VRK2: variants seen among roughly 807,000 people sequenced by gnomAD.
The protein encoded by VRK2 is serine/threonine-protein kinase VRK2.
A neutral mutation model predicts 57.6 loss-of-function variants in VRK2; 60 were observed. The ratio of observed to expected loss-of-function variants is 1.04; its 90% CI spans 0.85 to 1.29. The LOEUF is 1.29. VRK2 is among the 50% of genes most tolerant of loss of function. The pLI is 0.00. For missense variants in VRK2, 705 were observed against 588.1 expected (o/e 1.20, Z -2.06); for synonymous variants, 231 against 199.2 (o/e 1.16, Z -1.35).
chr2:58,037,591 T>C (rs538224626), intron 3 of VRK2, among the ~76,000 whole-genome samples: 15 of 152,202 alleles, frequency 9.9e-5, no homozygotes, highest in Non-Finnish European at 1.5e-4. Context: ...TTTTAAAAGA[T>C]GTGGGCCAAT....
At chr2:58,034,980 T>G (rs578079338) in intron 3 of VRK2, among the ~76,000 whole-genome samples, 77 of 152,138 alleles carry the variant, frequency 5.1e-4, no homozygotes, top group African/African-American at 1.8e-3. Flanking sequence ...CCTGATGACA[T>G]GATGCCTGAG....
At chr2:58,103,373 A>G (rs1674293927) in intron 7 of VRK2, among the ~76,000 whole-genome samples, 2 of 151,668 alleles carry the variant, frequency 1.3e-5, no homozygotes, top group South Asian at 4.1e-4. Context: ...AAGAATAGAG[A>G]AGTTCCAAAT....
intron 1 of VRK2, among the ~76,000 whole-genome samples, chr2:57,988,769 T>C (rs1484572257): frequency 6.6e-6 from 1 of 152,168 alleles, no homozygotes; most frequent in Admixed American, 6.5e-5. Context: ...TTGAACTGAA[T>C]TACCCCACCA....
At chr2:58,052,376 G>A (rs1675877126) in intron 2 of VRK2, among the ~76,000 whole-genome samples, 1 of 152,032 alleles carries the variant, frequency 6.6e-6, no homozygotes, top group African/African-American at 2.4e-5. Flanking sequence ...ACTTTGGAAG[G>A]CCCAGGCGGG....
intron 1 of VRK2, among the ~76,000 whole-genome samples, chr2:58,002,218 C>T (rs555406206): frequency 6.6e-6 from 1 of 152,284 alleles, no homozygotes; most frequent in South Asian, 2.1e-4. Flanking sequence ...TGGTGGTTCA[C>T]GCCTGTAATC....
At chr2:57,958,679 C>A (rs111560809) in intron 1 of VRK2, among the ~76,000 whole-genome samples, 21 of 152,032 alleles carry the variant, frequency 1.4e-4, no homozygotes, top group African/African-American at 5.1e-4. Flanking sequence ...TTTTTAAGGG[C>A]TACTTATTGA....
chr2:57,957,962 T>A (rs1170064037), intron 1 of VRK2, among the ~76,000 whole-genome samples: 1 of 152,112 alleles, frequency 6.6e-6, no homozygotes, highest in Non-Finnish European at 1.5e-5. Flanking sequence ...GCAGTTATTC[T>A]CTCATATAGC....
At chr2:57,973,863 T>A (rs1048829890) in intron 1 of VRK2, among the ~76,000 whole-genome samples, 6 of 151,536 alleles carry the variant, frequency 4.0e-5, no homozygotes, top group Admixed American at 1.3e-4. Flanking sequence ...GAAAAAAAAA[T>A]TAGTTGAAAA....
At chr2:58,156,998 C>G (rs186188866) in intron 12 of VRK2, among the ~76,000 whole-genome samples, 1 of 152,256 alleles carries the variant, frequency 6.6e-6, no homozygotes, top group Admixed American at 6.5e-5. Context: ...TTCTGGCAGA[C>G]AGTTAACTTA....
intron 2 of VRK2, among the ~76,000 whole-genome samples, chr2:58,029,506 A>T (rs1674047622): frequency 6.6e-6 from 1 of 152,174 alleles, no homozygotes; most frequent in South Asian, 2.1e-4. Context: ...GAAAAAGTTA[A>T]AAGTACTCCT....
intron 8 of VRK2, among the ~76,000 whole-genome samples, chr2:58,127,170 G>A (rs1036954202): frequency 2.6e-5 from 4 of 151,538 alleles, no homozygotes; most frequent in Non-Finnish European, 5.9e-5. Context: ...CAATTGCTAC[G>A]GTATGTGAAA....
rs367924906 is a variant in VRK2 at position 57,956,721 on chromosome 2, G to A, written c.-439+48882G>A. Among the ~76,000 whole-genome samples the A allele has an allele frequency of 3.4e-4, 52 of 152,248 alleles. 1 individual carries two copies. In the South Asian group the frequency reaches 0.01, roughly 30 times the overall value. On this transcript the variant is annotated intron_variant, in intron 1 of 15. Transcript: ENST00000417641. ...TATGCCTTATTTGGAGAAGAAAGTA[G>A]GCATTGTATGACTATCAGCAGCAAT...
chr2:58,038,200 C>T (rs1674335632), intron 3 of VRK2, among the ~76,000 whole-genome samples: 1 of 151,952 alleles, frequency 6.6e-6, no homozygotes, highest in Non-Finnish European at 1.5e-5. Flanking sequence ...GGTGTTTTCC[C>T]CCATGCTGTT....
intron 2 of VRK2, among the ~76,000 whole-genome samples, chr2:58,032,538 G>A (rs1414546845): frequency 6.6e-6 from 1 of 152,088 alleles, no homozygotes; most frequent in African/African-American, 2.4e-5. Context: ...AAATACTGCA[G>A]TTCTCTGGGT....
chr2:58,068,366 T>A (rs1296557583), intron 2 of VRK2, among the ~76,000 whole-genome samples: 3 of 152,200 alleles, frequency 2.0e-5, no homozygotes, highest in Non-Finnish European at 2.9e-5. Context: ...TTTTCCCATC[T>A]TCATCATTTC....
At chr2:57,940,856 T>C (rs1022852623) in intron 1 of VRK2, among the ~76,000 whole-genome samples, 1 of 151,726 alleles carries the variant, frequency 6.6e-6, no homozygotes, top group Non-Finnish European at 1.5e-5. Context: ...ATTAAATGTA[T>C]ATACTAGAAC....
chr2:57,999,913 T>G lies in VRK2; in HGVS notation c.-438-25752T>G, dbSNP rs74878852. Among the ~76,000 whole-genome samples the G allele has an allele frequency of 9.9e-5, 15 of 152,086 alleles. No homozygotes were observed. In the East Asian group the frequency reaches 2.9e-3, roughly 29 times the overall value. ...ATCCCAGCATTTTGGGAGGTCGAGG[T>G]AGAAGGATCATCTTGAGGCCAGGAG... On this transcript the variant is annotated intron_variant, in intron 1 of 15. Transcript: ENST00000417641.
intron 1 of VRK2, among the ~76,000 whole-genome samples, chr2:57,939,501 T>C (rs1260651647): frequency 6.6e-6 from 1 of 152,184 alleles, no homozygotes; most frequent in African/African-American, 2.4e-5. Flanking sequence ...ATATACAGAT[T>C]GTTCATTTAT....
intron 1 of VRK2, among the ~76,000 whole-genome samples, chr2:58,012,106 A>G (rs1673434003): frequency 6.6e-6 from 1 of 152,190 alleles, no homozygotes; most frequent in Non-Finnish European, 1.5e-5. Flanking sequence ...TCTGAAATTT[A>G]CAGTTTTTCA....
Sources: allele counts gnomAD v4.1 joint callset (sites outside exome capture counted in the v4.1 genomes callset), GRCh38; gene constraint gnomAD v4.1.1; transcripts MANE v1.5; gene names NCBI Gene and HGNC (gene_info 2026-07-23, HGNC 2026-07-21).